The following PDE1C variants were observed in gnomAD, a reference collection of about 807,000 sequenced individuals.
PDE1C encodes the protein dual specificity calcium/calmodulin-dependent 3',5'-cyclic nucleotide phosphodiesterase 1C.
In PDE1C, 62 loss-of-function variants were observed where a neutral mutation model predicts 93.1. That is an observed-to-expected ratio of 0.67 (90% CI 0.54 to 0.82). The LOEUF is 0.82. PDE1C is among the 40% of genes least tolerant of loss of function. The probability of loss-of-function intolerance (pLI) is 0.00; values close to 1 mark genes in which losing one functional copy is unlikely to be tolerated. For synonymous variants in PDE1C, 325 were observed against 310.1 expected (o/e 1.05, Z -0.50); for missense variants, 742 against 884.6 (o/e 0.84, Z 2.04).
At chr7:32,236,301 T>G (rs1808071037) in intron 1 of PDE1C, among the ~76,000 whole-genome samples, 2 of 152,134 alleles carry the variant, frequency 1.3e-5, no homozygotes, top group South Asian at 4.1e-4. Flanking sequence ...AAGAAAAAAA[T>G]AAACTAGATT....
intron 1 of PDE1C, among the ~76,000 whole-genome samples, chr7:32,231,008 G>A (rs1807654994): frequency 6.6e-6 from 1 of 152,058 alleles, no homozygotes; most frequent in African/African-American, 2.4e-5. Flanking sequence ...AAAGCATGTG[G>A]GGATAATTAT....
chr7:31,796,383 C>G (rs1324742100), intron 16 of PDE1C, among the ~76,000 whole-genome samples: 1 of 151,580 alleles, frequency 6.6e-6, no homozygotes, highest in Non-Finnish European at 1.5e-5. Flanking sequence ...ACACAAAAAT[C>G]TGCAAGAAGA....
At chr7:32,233,883 T>C (rs1807885979) in intron 1 of PDE1C, among the ~76,000 whole-genome samples, 1 of 151,988 alleles carries the variant, frequency 6.6e-6, no homozygotes, top group African/African-American at 2.4e-5. Flanking sequence ...TTCATCACGA[T>C]AGACTAAATC....
chr7:32,051,601 A>T lies in PDE1C; in HGVS notation c.102-21T>A, dbSNP rs935501516. The T allele has an allele frequency of 5.0e-6, 8 of 1,611,796 alleles. No individual in the cohort carries two copies. The South Asian group carries it at 5.5e-5, about 11-fold the overall frequency. On this transcript the variant is annotated intron_variant, in intron 1 of 17. Coordinates refer to ENST00000396191, the MANE Select transcript of PDE1C (RefSeq NM_001191057.4). ...TCCTCCTGTAAGAAAAGGCATAAACATATATCAGAAAAGGGTTGTGGCAGG... is the reference window on the plus strand; with the variant it reads ...TCCTCCTGTAAGAAAAGGCATAAACTTATATCAGAAAAGGGTTGTGGCAGG...
intron 17 of PDE1C, among the ~76,000 whole-genome samples, chr7:31,768,709 G>A (rs1795294479): frequency 6.6e-6 from 1 of 152,064 alleles, no homozygotes; most frequent in South Asian, 2.1e-4. Context: ...TTACCAACAT[G>A]TTTTAATTAC....
chr7:32,169,890 T>C (rs1802539061), exon 3 of PDE1C: 1 of 1,612,570 alleles, frequency 6.2e-7, no homozygotes, highest in Admixed American at 1.7e-5. Context: ...TGGCCTTGGC[T>C]TCTCCTTGAC....
intron 2 of PDE1C, among the ~76,000 whole-genome samples, chr7:31,900,490 T>C (rs1799834957): frequency 6.6e-6 from 1 of 151,428 alleles, no homozygotes; most frequent in African/African-American, 2.4e-5. Context: ...AGGTTAGAGA[T>C]GGTTTATCTT....
At chr7:32,231,692 T>C (rs966099234) in intron 1 of PDE1C, among the ~76,000 whole-genome samples, 2 of 152,144 alleles carry the variant, frequency 1.3e-5, no homozygotes, top group African/African-American at 4.8e-5. Flanking sequence ...AGAAAAATTG[T>C]AGATCAATTC....
chr7:31,791,914 C>T (rs935412484), intron 16 of PDE1C, among the ~76,000 whole-genome samples: 1 of 152,022 alleles, frequency 6.6e-6, no homozygotes, highest in Admixed American at 6.6e-5. Flanking sequence ...CTAATCACTG[C>T]TTATGGGTGA....
intron 1 of PDE1C, among the ~76,000 whole-genome samples, chr7:32,293,381 T>C (rs1382108913): frequency 6.6e-6 from 1 of 152,098 alleles, no homozygotes; most frequent in East Asian, 1.9e-4. Context: ...GGCAACTCCA[T>C]TGTGAGAGCT....
At chr7:32,042,452 C>T (rs1169206567) in intron 2 of PDE1C, among the ~76,000 whole-genome samples, 1 of 152,188 alleles carries the variant, frequency 6.6e-6, no homozygotes, top group East Asian at 1.9e-4. Context: ...TGAGTTACCT[C>T]TTTTCCATGA....
chr7:32,087,527 T>C (rs1478549035), intron 3 of PDE1C, among the ~76,000 whole-genome samples: 1 of 152,144 alleles, frequency 6.6e-6, no homozygotes, highest in Non-Finnish European at 1.5e-5. Context: ...CTATAAATCA[T>C]GCTGCTATAA....
chr7:31,871,303 T>C (rs1441142593), intron 6 of PDE1C, among the ~76,000 whole-genome samples: 1 of 151,904 alleles, frequency 6.6e-6, no homozygotes. Context: ...AGGAAATTGG[T>C]CTAGGCAAAG....
rs147589313 is a variant in PDE1C, at chr7:31,807,486, T to G, written c.1891+1545A>C. Among the ~76,000 whole-genome samples, 498 of 152,048 alleles carry G rather than the reference T, an allele frequency of 3.3e-3. 2 individuals are homozygous for G. Among genetic ancestry groups the G allele is most frequent in the African/African-American group, 0.012 (483 of 41,516 alleles). Reference sequence around the variant, plus strand: ...AAAGGGCGCAGTTAAAAAGGCTTTATGAAGGTGATAAAATATAATCCACAA... The same window carrying G: ...AAAGGGCGCAGTTAAAAAGGCTTTAGGAAGGTGATAAAATATAATCCACAA... On this transcript the variant is annotated intron_variant, in intron 16 of 17. Coordinates refer to ENST00000396191, the MANE Select transcript of PDE1C (RefSeq NM_001191057.4).
chr7:32,010,525 C>G (rs1786931506), intron 2 of PDE1C, among the ~76,000 whole-genome samples: 1 of 152,132 alleles, frequency 6.6e-6, no homozygotes, highest in Non-Finnish European at 1.5e-5. Context: ...AAATGGAAAT[C>G]CTAAAACTAT....
intron 3 of PDE1C, among the ~76,000 whole-genome samples, chr7:32,125,635 A>G (rs1326640387): frequency 6.6e-6 from 1 of 151,982 alleles, no homozygotes; most frequent in Non-Finnish European, 1.5e-5. Context: ...ACCAAACACC[A>G]CATGTTCTCA....
intron 1 of PDE1C, among the ~76,000 whole-genome samples, chr7:32,266,102 A>G (rs77172286): frequency 0.11 from 16,397 of 149,494 alleles, 1,055 homozygotes; most frequent in African/African-American, 0.15. Context: ...GTGAAACCCC[A>G]TCTCTACTAA....
intron 1 of PDE1C, among the ~76,000 whole-genome samples, chr7:32,263,467 C>T (rs1240569830): frequency 1.3e-5 from 2 of 151,864 alleles, no homozygotes; most frequent in Non-Finnish European, 2.9e-5. Flanking sequence ...GGCCTTTTAC[C>T]CCTAAATACT....
chr7:31,998,022 A>T (rs1784953791), intron 2 of PDE1C, among the ~76,000 whole-genome samples: 2 of 148,600 alleles, frequency 1.3e-5, no homozygotes, highest in Admixed American at 6.7e-5. Context: ...TTATTTATTT[A>T]TTTATTTATT....
Sources: allele counts gnomAD v4.1 joint callset (sites outside exome capture counted in the v4.1 genomes callset), GRCh38; gene constraint gnomAD v4.1.1; transcripts MANE v1.5; gene names NCBI Gene and HGNC (gene_info 2026-07-23, HGNC 2026-07-21).